Variants in NELL1 observed in about 807,000 individuals in gnomAD.
NELL1 encodes protein kinase C-binding protein NELL1.
Under a neutral mutation model 107.4 loss-of-function variants are expected in NELL1, and 76 were observed. That is an observed-to-expected ratio of 0.71 (90% CI 0.59 to 0.86). The LOEUF (loss-of-function observed/expected upper bound fraction) is 0.86, where lower values mean the gene tolerates loss of function less well. NELL1 is among the 40% of genes least tolerant of loss of function. NELL1 has a pLI of 0.00. For synonymous variants in NELL1, 353 were observed against 341.2 expected (o/e 1.03, Z -0.38); for missense variants, 1,024 against 1,005.5 (o/e 1.02, Z -0.25).
intron 13 of NELL1, among the ~76,000 whole-genome samples, chr11:21,127,433 A>G (rs1489289946): frequency 6.6e-6 from 1 of 152,082 alleles, no homozygotes; most frequent in Non-Finnish European, 1.5e-5. Context: ...TGTCTCTACA[A>G]AAGAAAAAAA....
intron 4 of NELL1, among the ~76,000 whole-genome samples, chr11:20,873,912 C>T (rs549243918): frequency 6.6e-6 from 1 of 152,016 alleles, no homozygotes; most frequent in Non-Finnish European, 1.5e-5. Flanking sequence ...TACAGGCACA[C>T]ACCACCATGC....
intron 15 of NELL1, among the ~76,000 whole-genome samples, chr11:21,489,877 G>A (rs937224736): frequency 4.6e-5 from 7 of 151,840 alleles, no homozygotes; most frequent in African/African-American, 9.7e-5. Flanking sequence ...TTTTTCTTCC[G>A]AGATCTGTAA....
At chr11:21,125,677 A>G (rs576583785) in intron 13 of NELL1, among the ~76,000 whole-genome samples, 24 of 152,330 alleles carry the variant, frequency 1.6e-4, no homozygotes, top group African/African-American at 5.8e-4. Context: ...TAACTGGTGG[A>G]GAGGAAATGT....
At chr11:20,716,115 G>A (rs1485230678) in intron 2 of NELL1, among the ~76,000 whole-genome samples, 2 of 152,214 alleles carry the variant, frequency 1.3e-5, no homozygotes, top group African/African-American at 4.8e-5. Context: ...CACATGTAGT[G>A]ATAAGCTAGG....
intron 14 of NELL1, among the ~76,000 whole-genome samples, chr11:21,300,950 G>C (rs1849478856): frequency 6.6e-6 from 1 of 152,008 alleles, no homozygotes; most frequent in Admixed American, 6.6e-5. Flanking sequence ...CTGTGTCCAA[G>C]TGTTCTCATT....
chr11:20,938,963 TGC>T (rs1850790226), intron 10 of NELL1, among the ~76,000 whole-genome samples: 1 of 151,634 alleles, frequency 6.6e-6, no homozygotes, highest in Admixed American at 6.6e-5. Context: ...TGTGTGTGTG[TGC>T]ATGCACGTGT....
chr11:21,133,813 G>C (rs924170174), intron 13 of NELL1, among the ~76,000 whole-genome samples: 1 of 152,194 alleles, frequency 6.6e-6, no homozygotes, highest in African/African-American at 2.4e-5. Context: ...TAGGCCCTGA[G>C]AGCAAACGGA....
intron 14 of NELL1, among the ~76,000 whole-genome samples, chr11:21,361,179 CGTTT>C (rs1242179958): frequency 6.6e-6 from 1 of 151,056 alleles, no homozygotes; most frequent in Non-Finnish European, 1.5e-5. Context: ...ATTCTCTCAG[CGTTT>C]GTTTGTGTTA....
In NELL1 at chr11:21,384,465, C is replaced by T. The variant is rs1006393052; in HGVS notation, c.1645+13517C>T. Among the ~76,000 whole-genome samples the T allele has an allele frequency of 5.3e-5, 8 of 151,448 alleles. 1 individual carries two copies. The highest frequency in any genetic ancestry group is 2.1e-4 in the South Asian group (1 of 4,800). On this transcript the variant is annotated intron_variant, in intron 15 of 19. Coordinates refer to ENST00000357134, the MANE Select transcript of NELL1 (RefSeq NM_006157.5). Reference sequence around the variant, plus strand: ...TTACATTTATTTATTTATTATTATACTTTAAGTTTTAGGGTACATGTGCAA... The same window carrying T: ...TTACATTTATTTATTTATTATTATATTTTAAGTTTTAGGGTACATGTGCAA...
At chr11:21,324,700 AC>A (rs770279212) in intron 14 of NELL1, among the ~76,000 whole-genome samples, 151 of 152,182 alleles carry the variant, frequency 9.9e-4, no homozygotes, top group Admixed American at 1.7e-3. Context: ...TTGAACTGGT[AC>A]TTCCTTGCCA....
intron 15 of NELL1, among the ~76,000 whole-genome samples, chr11:21,528,322 G>A (rs1855905106): frequency 6.6e-6 from 1 of 152,154 alleles, no homozygotes; most frequent in African/African-American, 2.4e-5. Context: ...CCAGTGTGGA[G>A]TGTTAGGAGG....
At chr11:21,166,484 T>A (rs1856486331) in intron 13 of NELL1, among the ~76,000 whole-genome samples, 1 of 151,866 alleles carries the variant, frequency 6.6e-6, no homozygotes, top group African/African-American at 2.4e-5. Flanking sequence ...ACACAAAGAA[T>A]AAATGCTTGT....
At chr11:21,229,123 C>G (rs1201675608) in intron 13 of NELL1, among the ~76,000 whole-genome samples, 1 of 152,120 alleles carries the variant, frequency 6.6e-6, no homozygotes, top group African/African-American at 2.4e-5. Context: ...TTTGACTTCT[C>G]TGATACTGTT....
intron 13 of NELL1, among the ~76,000 whole-genome samples, chr11:21,222,414 T>C (rs567566611): frequency 1.2e-4 from 18 of 151,896 alleles, no homozygotes; most frequent in Admixed American, 1.1e-3. Flanking sequence ...GCCAGGATGG[T>C]CTCGATCTCC....
chr11:21,555,010 C>T (rs139415997), intron 16 of NELL1, among the ~76,000 whole-genome samples: 27 of 152,028 alleles, frequency 1.8e-4, no homozygotes, highest in African/African-American at 6.3e-4. Flanking sequence ...GACGTGGAAA[C>T]TTAGGATATA....
chr11:20,989,619 C>T (rs1851927497), intron 12 of NELL1, among the ~76,000 whole-genome samples: 1 of 152,116 alleles, frequency 6.6e-6, no homozygotes, highest in South Asian at 2.1e-4. Flanking sequence ...TTTTATTTTT[C>T]TTCAATAACT....
chr11:20,742,387 G>T (rs542255207), intron 2 of NELL1, among the ~76,000 whole-genome samples: 2 of 152,134 alleles, frequency 1.3e-5, no homozygotes, highest in Admixed American at 6.5e-5. Flanking sequence ...CTTTCCTCGA[G>T]ACTCAGGGAT....
At chr11:21,256,387 G>C (rs1858768924) in intron 14 of NELL1, among the ~76,000 whole-genome samples, 1 of 152,044 alleles carries the variant, frequency 6.6e-6, no homozygotes. Flanking sequence ...ACTGATCTGA[G>C]TCTGAAGCCA....
chr11:20,868,895 A>G (rs920287659), intron 4 of NELL1, among the ~76,000 whole-genome samples: 1 of 152,190 alleles, frequency 6.6e-6, no homozygotes, highest in Non-Finnish European at 1.5e-5. Flanking sequence ...AGCAATGTAC[A>G]AAACAAGGCA....
Sources: allele counts gnomAD v4.1 joint callset (sites outside exome capture counted in the v4.1 genomes callset), GRCh38; gene constraint gnomAD v4.1.1; transcripts MANE v1.5; gene names NCBI Gene and HGNC (gene_info 2026-07-23, HGNC 2026-07-21).